The following NUDT9 variants were observed in gnomAD, a reference collection of about 807,000 sequenced individuals.
NUDT9 encodes the protein nudix hydrolase 9, also known as ADP-ribose pyrophosphatase.
A neutral mutation model predicts 41.0 loss-of-function variants in NUDT9; 31 were observed. The ratio of observed to expected loss-of-function variants is 0.76; its 90% CI spans 0.57 to 1.02. The LOEUF is 1.02. NUDT9 is among the 50% of genes least tolerant of loss of function. NUDT9 has a pLI of 0.00. For synonymous variants in NUDT9, 146 were observed against 147.6 expected (o/e 0.99, Z 0.08); for missense variants, 380 against 431.4 (o/e 0.88, Z 1.06).
At position 87,451,500 on chromosome 4, in the gene NUDT9, TAATA is replaced by T. The variant is rs1397702997; in HGVS notation, c.643-85_643-82del. On this transcript the variant is annotated intron_variant, in intron 5 of 7. Coordinates refer to ENST00000302174, the MANE Select transcript of NUDT9 (RefSeq NM_024047.5). Reference sequence around the variant, plus strand: ...GGATCACTATTATAGGCAGATTGAATAATAAATGTTCACTCTACTACTCAATAAA... The same window carrying T: ...GGATCACTATTATAGGCAGATTGAATAATGTTCACTCTACTACTCAATAAA... 1.1e-5 allele frequency: 11 copies of T among 1,010,648 alleles called. No individual in the cohort carries two copies. In the Admixed American group the frequency reaches 2.0e-4, roughly 19 times the overall value. The allele number at this position is 1,010,648 out of a possible 1,614,324, so 62.6% of individuals were successfully genotyped here.
intron 5 of NUDT9, among the ~76,000 whole-genome samples, chr4:87,450,670 C>T (rs1205584306): frequency 6.6e-6 from 1 of 152,178 alleles, no homozygotes; most frequent in Non-Finnish European, 1.5e-5. Context: ...AGCCACTGTG[C>T]TTGGTGAACT....
intron 5 of NUDT9, 126 bp downstream of exon 5, chr4:87,449,379 T>TA: frequency 1.6e-6 from 1 of 611,538 alleles, no homozygotes; most frequent in Admixed American, 2.8e-5. Context: ...TAGTAATTCT[T>TA]ATGTTTTTCA....
At chr4:87,445,018 T>C (rs1227455489) in intron 4 of NUDT9, among the ~76,000 whole-genome samples, 1 of 152,204 alleles carries the variant, frequency 6.6e-6, no homozygotes, top group African/African-American at 2.4e-5. Flanking sequence ...TGAAAGATGT[T>C]GAAGGAAGAT....
At chr4:87,442,606 A>G in intron 4 of NUDT9, among the ~76,000 whole-genome samples, 1 of 152,200 alleles carries the variant, frequency 6.6e-6, no homozygotes, top group East Asian at 1.9e-4. Context: ...TTATAGTAAC[A>G]GCTTAAAACA....
chr4:87,439,394 A>G (rs1722098372), intron 3 of NUDT9, among the ~76,000 whole-genome samples: 1 of 150,658 alleles, frequency 6.6e-6, no homozygotes, highest in African/African-American at 2.4e-5. Context: ...AGTGGCTCAC[A>G]CCTGTAATCC....
intron 1 of NUDT9, 63 bp downstream of exon 1, chr4:87,423,075 CTT>C: frequency 7.9e-7 from 1 of 1,263,522 alleles, no homozygotes; most frequent in South Asian, 1.3e-5. Context: ...TGGGAAGCAG[CTT>C]TTTTTTCTGG....
intron 1 of NUDT9, 130 bp from the exon 2 acceptor site, chr4:87,434,851 T>G (rs1721846679): frequency 1.4e-6 from 1 of 720,252 alleles, no homozygotes; most frequent in African/African-American, 1.8e-5. Flanking sequence ...ACCCCTAACC[T>G]CAGGTGATCC....
rs578145401 is a variant in NUDT9, at chr4:87,424,328, C to T, written c.107+1316C>T. Among the ~76,000 whole-genome samples, 21 of 146,242 alleles carry T rather than the reference C, an allele frequency of 1.4e-4. No homozygotes were observed. The South Asian group carries it at 2.8e-3, about 20-fold the overall frequency. ...AGGCTGGAGCGCAGTGGCGCGATCT[C>T]GGCTCACTGCAACTTCCGCCTCCTG... On this transcript the variant is annotated intron_variant, in intron 1 of 7. Coordinates refer to ENST00000302174, the MANE Select transcript of NUDT9 (RefSeq NM_024047.5).
chr4:87,459,181 T>A lies in NUDT9; in HGVS notation c.*1160T>A, dbSNP rs1723109594. The stretch of plus-strand genomic sequence containing the variant: ...CTGGAGGCCATTATCCTTAGCAAAC[T>A]AATGCAAGAACAGAAAACCAAACAC... On this transcript the variant is annotated 3_prime_UTR_variant, in exon 8 of 8. Transcript: ENST00000302174. 6.6e-6 allele frequency: 1 copy of A among 152,156 alleles called. No homozygotes were observed. The highest frequency in any genetic ancestry group is 2.4e-5 in the African/African-American group (1 of 41,428). 9.4% of individuals were successfully genotyped at this position (152,156 alleles called of 1,614,324 possible).
chr4:87,426,657 C>A, intron 1 of NUDT9, among the ~76,000 whole-genome samples: 1 of 151,850 alleles, frequency 6.6e-6, no homozygotes, highest in East Asian at 2.0e-4. Context: ...CGATCGCCTG[C>A]CTCGGCCTCC....
At chr4:87,438,471 C>T in intron 3 of NUDT9, 99 bp downstream of exon 3, 1 of 633,790 alleles carries the variant, frequency 1.6e-6, no homozygotes, top group Non-Finnish European at 2.9e-6. Context: ...AGATGTTGTA[C>T]AAATTTATTT....
At chr4:87,437,056 T>C (rs1412398334) in intron 2 of NUDT9, among the ~76,000 whole-genome samples, 2 of 151,824 alleles carry the variant, frequency 1.3e-5, no homozygotes, top group Non-Finnish European at 2.9e-5. Flanking sequence ...TGAGACCAGC[T>C]TGGCAAACAT....
chr4:87,438,256 A>T, intron 2 of NUDT9, 21 bp from the exon 3 acceptor site: 1 of 1,291,036 alleles, frequency 7.7e-7, no homozygotes, highest in African/African-American at 1.5e-5. Context: ...TTCTTATTTT[A>T]CATTGGTATT....
At chr4:87,435,496 G>C (rs138085769) in intron 2 of NUDT9, among the ~76,000 whole-genome samples, 26 of 152,246 alleles carry the variant, frequency 1.7e-4, no homozygotes, top group African/African-American at 5.8e-4. Context: ...ATAACAGCTG[G>C]TACTGTTATA....
intron 4 of NUDT9, among the ~76,000 whole-genome samples, chr4:87,442,134 G>A (rs1722229882): frequency 1.3e-5 from 2 of 152,124 alleles, no homozygotes; most frequent in South Asian, 4.1e-4. Context: ...ACATCATAGA[G>A]TATATTTACA....
chr4:87,456,201 C>T (rs767087603), intron 7 of NUDT9, among the ~76,000 whole-genome samples: 9 of 152,074 alleles, frequency 5.9e-5, no homozygotes, highest in South Asian at 2.1e-4. Flanking sequence ...AAACAGGAGT[C>T]CTATTGATAG....
chr4:87,449,491 G>GA (rs1486634496), intron 5 of NUDT9, among the ~76,000 whole-genome samples: 46 of 152,166 alleles, frequency 3.0e-4, no homozygotes, highest in Middle Eastern at 6.3e-3. Context: ...CGTGGGCTTT[G>GA]AAGTTAGATG....
rs1222053400 is a variant in NUDT9, at chr4:87,458,471, T to A, written c.*450T>A. ...CAGAGTACCGCCACTGGATGTATAG[T>A]TTAATGTTTCATCTGATTTTTCTTT... On this transcript the variant is annotated 3_prime_UTR_variant, in exon 8 of 8. Coordinates refer to ENST00000302174, the MANE Select transcript of NUDT9 (RefSeq NM_024047.5). 1 of 152,674 alleles carries A rather than the reference T, an allele frequency of 6.5e-6. No homozygotes were observed. Among genetic ancestry groups the A allele is most frequent in the African/African-American group, 2.4e-5 (1 of 41,472 alleles). 9.5% of individuals were successfully genotyped at this position (152,674 alleles called of 1,614,324 possible).
At chr4:87,455,954 G>A (rs1018181013) in intron 7 of NUDT9, among the ~76,000 whole-genome samples, 2 of 152,114 alleles carry the variant, frequency 1.3e-5, no homozygotes, top group South Asian at 2.1e-4. Flanking sequence ...GAGCCACTGC[G>A]CCTGGCTGTA....
Sources: gnomAD v4.1 joint callset for allele counts (sites outside exome capture counted in the v4.1 genomes callset) on GRCh38, gnomAD v4.1.1 for gene constraint, MANE v1.5 for transcripts, NCBI Gene and HGNC (gene_info 2026-07-23, HGNC 2026-07-21) for gene names.